MRPL19: variants seen among roughly 807,000 people sequenced by gnomAD.
The protein encoded by MRPL19 is large ribosomal subunit protein bL19m.
Under a neutral mutation model 34.0 loss-of-function variants are expected in MRPL19, and 31 were observed. That is an observed-to-expected ratio of 0.91 (90% CI 0.68 to 1.23). The LOEUF is 1.23. Ranked by LOEUF, MRPL19 falls within the 50% of genes most tolerant of loss-of-function variation. MRPL19 has a pLI of 0.00. For synonymous variants in MRPL19, 152 were observed against 127.7 expected (o/e 1.19, Z -1.28); for missense variants, 384 against 367.6 (o/e 1.04, Z -0.37).
rs1006754577 is a variant in MRPL19, at chr2:75,656,775, C to G, written c.*1490C>G. ...TGTATTGGGTTTTAGGTGAACCCTT[C>G]CAGATAGTAACTCATTTCTGTCAGT... On this transcript the variant is annotated 3_prime_UTR_variant, in exon 6 of 6. Coordinates refer to ENST00000393909, the MANE Select transcript of MRPL19 (RefSeq NM_014763.4). The G allele has an allele frequency of 2.2e-4, 34 of 152,132 alleles. No homozygotes were observed. Among genetic ancestry groups the G allele is most frequent in the African/African-American group, 7.9e-4 (33 of 41,510 alleles). 9.4% of individuals were successfully genotyped at this position (152,132 alleles called of 1,614,324 possible).
At chr2:75,650,569 A>G (rs1678310353) in intron 2 of MRPL19, among the ~76,000 whole-genome samples, 2 of 152,168 alleles carry the variant, frequency 1.3e-5, no homozygotes, top group South Asian at 4.1e-4. Context: ...AAGGTCCCCT[A>G]CTAGGCCAGA....
chr2:75,649,334 A>T (rs1246239612), intron 2 of MRPL19, among the ~76,000 whole-genome samples: 1 of 152,198 alleles, frequency 6.6e-6, no homozygotes, highest in African/African-American at 2.4e-5. Flanking sequence ...AAGCTTGTCC[A>T]ACCCACAGCC....
Position 75,658,288 on chromosome 2 carries a change from T to G in MRPL19, c.*3003T>G, listed in dbSNP as rs1053363845. ...GTTTCCCATGCTGGTCTTGAGTTCC[T>G]GGCCTCAAGCAGTCCTTAAGATTCA... On this transcript the variant is annotated 3_prime_UTR_variant, in exon 6 of 6. Transcript: ENST00000393909. Among the ~76,000 whole-genome samples, 3 of 152,162 alleles carry G rather than the reference T, an allele frequency of 2.0e-5. No individual in the cohort carries two copies. The highest frequency in any genetic ancestry group is 4.4e-5 in the Non-Finnish European group (3 of 68,016).
At chr2:75,650,094 A>C (rs1357182789) in intron 2 of MRPL19, among the ~76,000 whole-genome samples, 2 of 152,176 alleles carry the variant, frequency 1.3e-5, no homozygotes, top group African/African-American at 4.8e-5. Flanking sequence ...GAGGAAGAGA[A>C]AGAAATTCAT....
chr2:75,654,776 G>A lies in MRPL19; in HGVS notation c.516G>A (p.Gln172=). ...TTGAACTTTATAATCCTCGGGTCCA[G>A]GAGATTCAGGTGGTCAAATTAGAGA... ...ICFELYNPRV[Q]EIQVVKLEKR... is the part of the protein sequence containing the mutation. The change falls in exon 5 of 6, where the codon CAG becomes CAA. Residue 172 remains glutamine (Q), a synonymous_variant. Transcript: ENST00000393909. 2 of 1,613,820 alleles carry A rather than the reference G, an allele frequency of 1.2e-6. No individual in the cohort carries two copies. Among genetic ancestry groups the A allele is most frequent in the Non-Finnish European group, 1.7e-6 (2 of 1,179,816 alleles).
At chr2:75,651,354 G>A (rs1678329055) in intron 2 of MRPL19, 3 of 531,136 alleles carry the variant, frequency 5.6e-6, no homozygotes, top group Middle Eastern at 3.4e-4. Flanking sequence ...CTTGGGGCAG[G>A]TGACCAGTGA....
chr2:75,651,280 T>C, intron 2 of MRPL19: 1 of 507,552 alleles, frequency 2.0e-6, no homozygotes, highest in Non-Finnish European at 4.0e-6. Flanking sequence ...AGGGACACGA[T>C]GTGCTGCAGC....
rs1287704410 is a variant in MRPL19 at position 75,661,030 on chromosome 2, G to C, written c.*5745G>C. The stretch of plus-strand genomic sequence containing the variant: ...GCCTACTGCTTACGATGAGTGCTCT[G>C]TCAATCCTTTAAGTAGCCCCAGACA... On this transcript the variant is annotated 3_prime_UTR_variant, in exon 6 of 6. Coordinates refer to ENST00000393909, the MANE Select transcript of MRPL19 (RefSeq NM_014763.4). 1 of 152,078 alleles carries C rather than the reference G, an allele frequency of 6.6e-6. No individual in the cohort carries two copies. Among genetic ancestry groups the C allele is most frequent in the African/African-American group, 2.4e-5 (1 of 41,372 alleles). 9.4% of individuals were successfully genotyped at this position (152,078 alleles called of 1,614,324 possible).
chr2:75,652,411 AG>A, intron 3 of MRPL19, 111 bp from the exon 4 acceptor site: 2 of 1,381,638 alleles, frequency 1.4e-6, no homozygotes, highest in Non-Finnish European at 2.0e-6. Flanking sequence ...TAAAACATTT[AG>A]GAAGTTAAGT....
intron 4 of MRPL19, 107 bp from the exon 5 acceptor site, chr2:75,654,629 A>G (rs529393077): frequency 9.2e-6 from 9 of 978,214 alleles, no homozygotes; most frequent in South Asian, 2.4e-5. Context: ...CATTTTCTAC[A>G]TGCAAAACTT....
chr2:75,660,713 T>G lies in MRPL19; in HGVS notation c.*5428T>G, dbSNP rs73936763. 2.0e-5 allele frequency: 3 copies of G among 152,338 alleles called. No individual in the cohort carries two copies. Among genetic ancestry groups the G allele is most frequent in the African/African-American group, 7.2e-5 (3 of 41,576 alleles). The allele number at this position is 152,338 out of a possible 1,614,324, so 9.4% of individuals were successfully genotyped here. ...CCCAGTCTTTCCAGTCTTTGTAGAT[T>G]GGTTCTGTGCTGGGCTTTTCCATTA... On this transcript the variant is annotated 3_prime_UTR_variant, in exon 6 of 6. Coordinates refer to ENST00000393909, the MANE Select transcript of MRPL19 (RefSeq NM_014763.4).
intron 2 of MRPL19, 27 bp from the exon 3 acceptor site, chr2:75,652,115 T>G (rs1180935181): frequency 1.4e-6 from 2 of 1,385,038 alleles, no homozygotes; most frequent in Non-Finnish European, 2.0e-6. Flanking sequence ...GAGTTTACTT[T>G]TAATTATTTA....
intron 2 of MRPL19, 108 bp from the exon 3 acceptor site, chr2:75,652,030 CAATG>C (rs1411008150): frequency 3.4e-6 from 2 of 580,358 alleles, no homozygotes; most frequent in South Asian, 3.0e-5. Flanking sequence ...TTTATTTAGA[CAATG>C]AAGAATAAAA....
chr2:75,654,668 A>G, intron 4 of MRPL19, 68 bp from the exon 5 acceptor site: 1 of 1,378,570 alleles, frequency 7.3e-7, no homozygotes, highest in Non-Finnish European at 9.9e-7. Context: ...AAATGCTTTT[A>G]CTGCAGTATG....
rs534022851 is a variant in MRPL19, at chr2:75,659,424, TACTG to T, written c.*4143_*4146del. 3.4e-3 allele frequency among the ~76,000 whole-genome samples: 513 copies of T among 152,266 alleles called. 3 individuals are homozygous for T. The highest frequency in any genetic ancestry group is 0.011 in the African/African-American group (455 of 41,556). On this transcript the variant is annotated 3_prime_UTR_variant, in exon 6 of 6. Coordinates refer to ENST00000393909, the MANE Select transcript of MRPL19 (RefSeq NM_014763.4). ...GAGTTAGAAAACAGTATGATAGTAA[TACTG>T]ACTTTTATATTTGTCAATATATTTA...
intron 2 of MRPL19, chr2:75,651,382 C>G: frequency 1.9e-6 from 1 of 535,674 alleles, no homozygotes; most frequent in Non-Finnish European, 3.8e-6. Flanking sequence ...CGCATATGTA[C>G]CTGGCTTAAA....
At chr2:75,647,008 C>T in intron 1 of MRPL19, 94 bp from the exon 2 acceptor site, 3 of 1,480,070 alleles carry the variant, frequency 2.0e-6, no homozygotes, top group Non-Finnish European at 2.7e-6. Flanking sequence ...CAGCGTTGGT[C>T]CCCCGTGGGA....
chr2:75,652,350 T>C, intron 3 of MRPL19, 90 bp downstream of exon 3: 2 of 1,320,986 alleles, frequency 1.5e-6, no homozygotes, highest in Non-Finnish European at 2.1e-6. Context: ...CAAAAGAAGA[T>C]TGTTTTTTAC....
At chr2:75,651,306 G>C (rs1345407184) in intron 2 of MRPL19, 1 of 519,588 alleles carries the variant, frequency 1.9e-6, no homozygotes, top group Non-Finnish European at 3.9e-6. Context: ...CTCTGGATTT[G>C]TAGGTCTCTC....
Sources: gnomAD v4.1 joint callset for allele counts (sites outside exome capture counted in the v4.1 genomes callset) on GRCh38, gnomAD v4.1.1 for gene constraint, MANE v1.5 for transcripts, NCBI Gene and HGNC (gene_info 2026-07-23, HGNC 2026-07-21) for gene names.